Variants in SPIDR observed in about 807,000 individuals in gnomAD.
SPIDR encodes DNA repair-scaffolding protein.
SPIDR carries 93 observed loss-of-function variants against 104.6 expected under a neutral mutation model. The ratio of observed to expected loss-of-function variants is 0.89; its 90% confidence interval spans 0.75 to 1.06. The LOEUF (loss-of-function observed/expected upper bound fraction) is 1.06, where lower values mean the gene tolerates loss of function less well. Among genes scored for constraint, SPIDR ranks in the 50% least tolerant of loss-of-function variants. SPIDR has a pLI of 0.00. For missense variants in SPIDR, 1,154 were observed against 1,111.2 expected, an observed-to-expected ratio of 1.04 and a Z score of -0.55; for synonymous variants, 431 against 416.9, an observed-to-expected ratio of 1.03 and a Z score of -0.41.
chr8:47,565,143 G>C (rs994948745), intron 8 of SPIDR, among the ~76,000 whole-genome samples: 1 of 152,186 alleles, frequency 6.6e-6, no homozygotes, highest in Non-Finnish European at 1.5e-5. Flanking sequence ...CTGCTTGGGA[G>C]GCCGAGGCAG....
At chr8:47,411,598 G>A (rs970806773) in intron 7 of SPIDR, among the ~76,000 whole-genome samples, 14 of 152,284 alleles carry the variant, frequency 9.2e-5, no homozygotes, top group Middle Eastern at 3.4e-3. Flanking sequence ...CTCCCATTCT[G>A]TAGGTTGCCT....
At chr8:47,526,199 AC>A (rs1312692584) in intron 8 of SPIDR, among the ~76,000 whole-genome samples, 2 of 152,208 alleles carry the variant, frequency 1.3e-5, no homozygotes, top group Non-Finnish European at 2.9e-5. Context: ...GAAATAAGGA[AC>A]ATTGCAATGA....
At chr8:47,646,999 C>T (rs1158968630) in intron 10 of SPIDR, among the ~76,000 whole-genome samples, 1 of 152,108 alleles carries the variant, frequency 6.6e-6, no homozygotes, top group East Asian at 1.9e-4. Context: ...CACATAAACG[C>T]TGTTCTTCTT....
In SPIDR at chr8:47,533,634, A is replaced by G. The variant is rs1006891679; in HGVS notation, c.1098-62177A>G. Among the ~76,000 whole-genome samples the G allele has an allele frequency of 2.0e-5, 3 of 152,212 alleles. No homozygotes were observed. The East Asian group carries it at 5.8e-4, about 29-fold the overall frequency. On this transcript the variant is annotated intron_variant, in intron 8 of 19. Transcript: ENST00000297423. The stretch of plus-strand genomic sequence containing the variant: ...ATGGACACTTCTCAAAAGAAGACAT[A>G]CATGTGGCCAACAAGCATATGGGGG...
chr8:47,291,787 C>T (rs942204683), intron 4 of SPIDR, among the ~76,000 whole-genome samples: 5 of 152,184 alleles, frequency 3.3e-5, no homozygotes, highest in Admixed American at 1.3e-4. Flanking sequence ...CCAACCTGTT[C>T]GGTAAATACT....
chr8:47,525,740 T>C (rs2084879502), intron 8 of SPIDR, among the ~76,000 whole-genome samples: 2 of 143,520 alleles, frequency 1.4e-5, no homozygotes, highest in South Asian at 2.2e-4. Flanking sequence ...GCCACTGCAC[T>C]CCACCCTGGG....
chr8:47,551,640 G>A (rs1273225049), intron 8 of SPIDR, among the ~76,000 whole-genome samples: 9 of 151,994 alleles, frequency 5.9e-5, no homozygotes, highest in East Asian at 5.8e-4. Context: ...TTTTTATTAC[G>A]TCTATCTGAT....
chr8:47,274,997 C>T (rs1219758680), intron 1 of SPIDR, among the ~76,000 whole-genome samples: 5 of 151,730 alleles, frequency 3.3e-5, no homozygotes, highest in East Asian at 3.9e-4. Context: ...CGGTGGCTCA[C>T]GCCTGTAATC....
chr8:47,609,276 A>T (rs2063339162), intron 10 of SPIDR, among the ~76,000 whole-genome samples: 1 of 152,048 alleles, frequency 6.6e-6, no homozygotes, highest in Admixed American at 6.6e-5. Flanking sequence ...TGTTATTATT[A>T]TTGCTTGTGT....
rs550571198 is a variant in SPIDR at position 47,630,558 on chromosome 8, G to C, written c.1544+31362G>C. Among the ~76,000 whole-genome samples, 45 of 152,288 alleles carry C rather than the reference G, an allele frequency of 3.0e-4. No individual in the cohort carries two copies. The South Asian group carries it at 9.3e-3, about 32-fold the overall frequency. Reference sequence around the variant, plus strand: ...ACTTTCCATTGCTATAAATACTACTGTTTACTGTCCACATAACAGATGCAG... The same window carrying C: ...ACTTTCCATTGCTATAAATACTACTCTTTACTGTCCACATAACAGATGCAG... On this transcript the variant is annotated intron_variant, in intron 10 of 19. Coordinates refer to ENST00000297423, the MANE Select transcript of SPIDR (RefSeq NM_001080394.4).
At chr8:47,690,592 G>A (rs937971700) in intron 11 of SPIDR, among the ~76,000 whole-genome samples, 2 of 152,046 alleles carry the variant, frequency 1.3e-5, no homozygotes, top group African/African-American at 4.8e-5. Flanking sequence ...GCTGAGGTGG[G>A]CACATCACTT....
chr8:47,633,399 T>A (rs10441581), intron 10 of SPIDR, among the ~76,000 whole-genome samples: 4 of 151,160 alleles, frequency 2.6e-5, no homozygotes, highest in Admixed American at 6.6e-5. Context: ...CAGTCTTCTT[T>A]ATAGGAGGGG....
chr8:47,445,665 GT>G (rs2070443773), intron 8 of SPIDR, among the ~76,000 whole-genome samples: 1 of 152,198 alleles, frequency 6.6e-6, no homozygotes, highest in Admixed American at 6.5e-5. Flanking sequence ...TAGGCTTCTT[GT>G]GCCAGTTAGA....
At chr8:47,357,946 A>C (rs2054891933) in intron 5 of SPIDR, 2 of 760,844 alleles carry the variant, frequency 2.6e-6, no homozygotes, top group Non-Finnish European at 3.2e-6. Context: ...TGTAGTCACG[A>C]ATATATGTGT....
chr8:47,620,853 G>T (rs1217830581), intron 10 of SPIDR, among the ~76,000 whole-genome samples: 2 of 146,046 alleles, frequency 1.4e-5, no homozygotes, highest in African/African-American at 5.1e-5. Context: ...CCTGACCCCA[G>T]GCGATCCACC....
At chr8:47,613,498 T>C (rs980304251) in intron 10 of SPIDR, among the ~76,000 whole-genome samples, 1 of 152,230 alleles carries the variant, frequency 6.6e-6, no homozygotes, top group Non-Finnish European at 1.5e-5. Flanking sequence ...TTCATTTCTC[T>C]TGGTGTAGAT....
intron 8 of SPIDR, among the ~76,000 whole-genome samples, chr8:47,594,273 G>C (rs1018239905): frequency 6.6e-6 from 1 of 151,610 alleles, no homozygotes; most frequent in Non-Finnish European, 1.5e-5. Context: ...TATTTGGGAG[G>C]CTGAGGTGGG....
At chr8:47,430,202 T>C (rs542624760) in intron 7 of SPIDR, among the ~76,000 whole-genome samples, 1 of 152,354 alleles carries the variant, frequency 6.6e-6, no homozygotes, top group African/African-American at 2.4e-5. Context: ...TTACCTATTT[T>C]AATCCTTAAG....
At chr8:47,341,414 G>T (rs1469037969) in intron 5 of SPIDR, among the ~76,000 whole-genome samples, 2 of 151,816 alleles carry the variant, frequency 1.3e-5, no homozygotes, top group Non-Finnish European at 2.9e-5. Flanking sequence ...TGCAGGTCAG[G>T]GCCTTTAGAG....
Sources: allele counts gnomAD v4.1 joint callset (sites outside exome capture counted in the v4.1 genomes callset), GRCh38; gene constraint gnomAD v4.1.1; transcripts MANE v1.5; gene names NCBI Gene and HGNC (gene_info 2026-07-23, HGNC 2026-07-21).